The following CPXM2 variants were observed in gnomAD, a reference collection of about 807,000 sequenced individuals.
The protein encoded by CPXM2 is inactive carboxypeptidase-like protein X2.
In CPXM2, 66 loss-of-function variants were observed where a neutral mutation model predicts 86.1. The ratio of observed to expected loss-of-function variants is 0.77; its 90% confidence interval spans 0.63 to 0.94. The LOEUF (loss-of-function observed/expected upper bound fraction) is 0.94, where lower values mean the gene tolerates loss of function less well. CPXM2 is among the 40% of genes least tolerant of loss of function. CPXM2 has a pLI of 0.00. For synonymous variants in CPXM2, 388 were observed against 400.2 expected (o/e 0.97, Z 0.36); for missense variants, 948 against 1,026.3 (o/e 0.92, Z 1.04).
Position 123,798,072 on chromosome 10 carries a change from G to GGAC in CPXM2, c.790_792dup (p.Val264dup), listed in dbSNP as rs773546394. On this transcript the variant is annotated inframe_insertion, in exon 6 of 14. Coordinates refer to ENST00000241305, the MANE Select transcript of CPXM2 (RefSeq NM_198148.3). ...ATGCGGATGTAGCGGGCCACCATGG[G>GGAC]GACGGGTAGCTCATTGAGAACAGGG... 6.2e-7 allele frequency: 1 copy of GGAC among 1,611,560 alleles called. No individual in the cohort carries two copies. The highest frequency in any genetic ancestry group is 8.5e-7 in the Non-Finnish European group (1 of 1,178,742).
chr10:123,824,061 G>A (rs557653472), intron 4 of CPXM2, among the ~76,000 whole-genome samples: 74 of 152,256 alleles, frequency 4.9e-4, no homozygotes, highest in African/African-American at 1.7e-3. Flanking sequence ...TGCAAGGATT[G>A]TGGCCAATTT....
Position 123,891,421 on chromosome 10 carries a change from T to G in CPXM2, c.239A>C (p.Lys80Thr). 2 of 1,560,926 alleles carry G rather than the reference T, an allele frequency of 1.3e-6. No homozygotes were observed. The highest frequency in any genetic ancestry group is 1.7e-6 in the Non-Finnish European group (2 of 1,152,318). The change falls in exon 1 of 14, where the codon AAG becomes ACG. Residue 80 changes from lysine to threonine, a missense_variant. Coordinates refer to ENST00000241305, the MANE Select transcript of CPXM2 (RefSeq NM_198148.3). This position sits in a 1 kb window ranked among gnomAD's most constrained non-coding sequence, Gnocchi z 5.6. ...AGCTTTCTTGGGCTTGGTGGCCCTC[T>G]TGGGCGGCCTGGGCTCCTGCGGGCG... ...ERRPQEPRPP[K>T]RATKPKKAPK...
intron 2 of CPXM2, among the ~76,000 whole-genome samples, chr10:123,920,885 C>T (rs1945573999): frequency 1.3e-5 from 2 of 152,162 alleles, no homozygotes; most frequent in Non-Finnish European, 1.5e-5. Context: ...TTTGCCCTTC[C>T]ACCTTCCACC....
rs370032513 is a variant in CPXM2, at chr10:123,754,885, G to A, written c.1918-123C>T. 9.0e-5 allele frequency: 61 copies of A among 676,316 alleles called. No individual in the cohort carries two copies. Among genetic ancestry groups the A allele is most frequent in the Non-Finnish European group, 1.4e-4 (51 of 370,910 alleles). The allele number at this position is 676,316 out of a possible 1,614,324, so 41.9% of individuals were successfully genotyped here. A position where few individuals can be genotyped will look rare whatever the true frequency, so the allele number is the denominator to read the frequency against. ...CCACCAAGAACTCACACAGCACCAC[G>A]TCTTGCTCAGAAGGCTTGGAACCGA... On this transcript the variant is annotated intron_variant, in intron 12 of 13. Coordinates refer to ENST00000241305, the MANE Select transcript of CPXM2 (RefSeq NM_198148.3). This position sits in a 1 kb window ranked among gnomAD's most constrained non-coding sequence, Gnocchi z 4.0.
Position 123,866,462 on chromosome 10 carries a change from C to T in CPXM2, c.404-3739G>A, listed in dbSNP as rs150263757. Among the ~76,000 whole-genome samples, 1,277 of 151,932 alleles carry T rather than the reference C, an allele frequency of 8.4e-3. 7 individuals are homozygous for T. The highest frequency in any genetic ancestry group is 0.013 in the Non-Finnish European group (866 of 67,978). ...ACGCTGTAATCCCAGCTACTCGGGA[C>T]GGCGAGGCAGGAGAATCGCTTAAAC... On this transcript the variant is annotated intron_variant, in intron 2 of 13. Coordinates refer to ENST00000241305, the MANE Select transcript of CPXM2 (RefSeq NM_198148.3).
chr10:123,761,185 G>A lies in CPXM2; in HGVS notation c.1777+687C>T, dbSNP rs73362699. On this transcript the variant is annotated intron_variant, in intron 11 of 13. Coordinates refer to ENST00000241305, the MANE Select transcript of CPXM2 (RefSeq NM_198148.3). ...CTCTACAGTCCTGAGTGGATGCCAG[G>A]AGCAAAACTTTGAATTCCCCATGCA... Among the ~76,000 whole-genome samples, 877 of 152,322 alleles carry A rather than the reference G, an allele frequency of 5.8e-3. 6 individuals are homozygous for A. Among genetic ancestry groups the A allele is most frequent in the African/African-American group, 0.02 (826 of 41,572 alleles).
At chr10:123,880,828 CAAAAAAA>C (rs71484548) in intron 1 of CPXM2, among the ~76,000 whole-genome samples, 2 of 53,970 alleles carry the variant, frequency 3.7e-5, no homozygotes, top group African/African-American at 7.8e-5. Context: ...GATTCCGTCT[CAAAAAAA>C]AAAAAAAAAA....
At chr10:123,818,294 C>T (rs1847854331) in intron 4 of CPXM2, among the ~76,000 whole-genome samples, 1 of 152,172 alleles carries the variant, frequency 6.6e-6, no homozygotes, top group African/African-American at 2.4e-5. Context: ...GGAGGTTACG[C>T]ATGGGCTCAG....
At chr10:123,780,735 CCCTTCCTTCCTT>C (rs35840032) in intron 6 of CPXM2, among the ~76,000 whole-genome samples, 3 of 150,718 alleles carry the variant, frequency 2.0e-5, no homozygotes, top group African/African-American at 7.3e-5. Flanking sequence ...GCATTCATTC[CCCTTCCTTCCTT>C]CCTTCCTTCC....
chr10:123,870,148 C>T lies in CPXM2; in HGVS notation c.404-7425G>A, dbSNP rs1419780496. ...ACCCCAACAGATGGGCATCGTCGCT[C>T]ATCATCGCTGAGACTCAGGGATGCC... On this transcript the variant is annotated intron_variant, in intron 2 of 13. Transcript: ENST00000241305. 3.9e-5 allele frequency among the ~76,000 whole-genome samples: 6 copies of T among 152,154 alleles called. No individual in the cohort carries two copies. The East Asian group carries it at 1.2e-3, about 29-fold the overall frequency.
At chr10:123,760,781 C>T (rs1489759838) in intron 11 of CPXM2, among the ~76,000 whole-genome samples, 2 of 152,176 alleles carry the variant, frequency 1.3e-5, no homozygotes, top group African/African-American at 2.4e-5. Flanking sequence ...GGTACTACCA[C>T]CACCATCCTC....
At chr10:123,831,523 A>C (rs1848166056) in intron 4 of CPXM2, among the ~76,000 whole-genome samples, 1 of 152,136 alleles carries the variant, frequency 6.6e-6, no homozygotes, top group South Asian at 2.1e-4. Flanking sequence ...TGCTGACACA[A>C]ACTTAGTGGT....
chr10:123,892,375 A>G (rs190668171), upstream of CPXM2, among the ~76,000 whole-genome samples: 113 of 152,274 alleles, frequency 7.4e-4, no homozygotes, highest in African/African-American at 2.6e-3. Context: ...TGGGAAAGAC[A>G]GTGACGTTAC....
At chr10:123,924,253 C>T (rs1945604040) in intron 2 of CPXM2, among the ~76,000 whole-genome samples, 1 of 152,210 alleles carries the variant, frequency 6.6e-6, no homozygotes, top group Non-Finnish European at 1.5e-5. Flanking sequence ...AGGGCTCAGT[C>T]CCACAAGACT....
intron 3 of CPXM2, among the ~76,000 whole-genome samples, chr10:123,851,183 C>T (rs1848591083): frequency 6.6e-6 from 1 of 152,200 alleles, no homozygotes; most frequent in Admixed American, 6.5e-5. Context: ...TTGCCTAAGT[C>T]CTTCCAATAG....
chr10:123,907,917 G>A (rs183381140), intron 2 of CPXM2, among the ~76,000 whole-genome samples: 13 of 152,204 alleles, frequency 8.5e-5, no homozygotes, highest in Non-Finnish European at 1.2e-4. Context: ...AAAAGGAAGA[G>A]AGGGGAAGCA....
intron 1 of CPXM2, among the ~76,000 whole-genome samples, chr10:123,884,866 C>T (rs990617520): frequency 5.9e-5 from 9 of 152,226 alleles, no homozygotes; most frequent in South Asian, 2.1e-4. Context: ...GAAGAGTGGG[C>T]ATGGCTGGGG....
intron 6 of CPXM2, among the ~76,000 whole-genome samples, chr10:123,790,458 G>T (rs754037326): frequency 6.6e-6 from 1 of 152,212 alleles, no homozygotes; most frequent in Non-Finnish European, 1.5e-5. Flanking sequence ...GTTGTTTACC[G>T]AAACTAGGGG....
intron 3 of CPXM2, among the ~76,000 whole-genome samples, chr10:123,849,726 TA>T (rs1294811285): frequency 6.6e-6 from 1 of 152,190 alleles, no homozygotes; most frequent in East Asian, 1.9e-4. Flanking sequence ...CATTCACTTT[TA>T]AAAGGCTAAA....
Sources: gnomAD v4.1 joint callset for allele counts (sites outside exome capture counted in the v4.1 genomes callset) on GRCh38, gnomAD v4.1.1 for gene constraint, Gnocchi (gnomAD v3.1) non-coding constraint, MANE v1.5 for transcripts, NCBI Gene and HGNC (gene_info 2026-07-23, HGNC 2026-07-21) for gene names.